The following CNTNAP5 variants were observed in gnomAD, a reference collection of about 807,000 sequenced individuals.
CNTNAP5 encodes contactin-associated protein-like 5.
In CNTNAP5, 72 loss-of-function variants were observed where a neutral mutation model predicts 150.2. The observed-to-expected ratio is 0.48, with a 90% CI of 0.40 to 0.58. The LOEUF (loss-of-function observed/expected upper bound fraction) is 0.58, where lower values mean the gene tolerates loss of function less well. Among genes scored for constraint, CNTNAP5 ranks in the 20% least tolerant of loss-of-function variants. The probability of loss-of-function intolerance (pLI) is 0.00; values close to 1 mark genes in which losing one functional copy is unlikely to be tolerated. For missense variants in CNTNAP5, 1,636 were observed against 1,626.2 expected (o/e 1.01, Z -0.10); for synonymous variants, 672 against 619.8 (o/e 1.08, Z -1.25).
chr2:124,559,177 G>A (rs150618543), intron 10 of CNTNAP5, among the ~76,000 whole-genome samples: 1 of 152,250 alleles, frequency 6.6e-6, no homozygotes, highest in African/African-American at 2.4e-5. Flanking sequence ...TACCTGGATT[G>A]TCAATAGCCC....
chr2:124,903,040 A>G lies in CNTNAP5; in HGVS notation c.3595A>G (p.Ser1199Gly), dbSNP rs199835420. 8 of 1,606,774 alleles carry G rather than the reference A, an allele frequency of 5.0e-6. No individual in the cohort carries two copies. The highest frequency in any genetic ancestry group is 6.8e-6 in the Non-Finnish European group (8 of 1,176,332). The change falls in exon 22 of 24, where the codon AGC becomes GGC. Residue 1199 changes from serine to glycine, a missense_variant. Ser to Gly is a moderately conservative substitution (Grantham distance 56, BLOSUM62 0). Coordinates refer to ENST00000682447, the MANE Select transcript of CNTNAP5 (RefSeq NM_001367498.1). Reference protein sequence around the residue: ...VTVHGTLTESSCGFMVDSDVN... With the variant: ...VTVHGTLTESGCGFMVDSDVN... ...TGTCCATGGGACCTTGACGGAATCC[A>G]GCTGTGGCTTCATGGTGGACTCAGA... is the stretch of plus-strand genomic sequence containing the variant.
At chr2:124,841,599 A>G (rs1314142240) in intron 19 of CNTNAP5, among the ~76,000 whole-genome samples, 2 of 151,980 alleles carry the variant, frequency 1.3e-5, no homozygotes, top group Admixed American at 6.6e-5. Context: ...CCCTCGCAGC[A>G]TTCCTCTTCA....
intron 1 of CNTNAP5, among the ~76,000 whole-genome samples, chr2:124,110,934 C>T (rs1417668124): frequency 6.6e-6 from 1 of 152,102 alleles, no homozygotes; most frequent in African/African-American, 2.4e-5. Context: ...GTGAAGAGCC[C>T]AAGTTCATTA....
intron 3 of CNTNAP5, among the ~76,000 whole-genome samples, chr2:124,245,645 G>A (rs1317496707): frequency 2.0e-5 from 3 of 148,754 alleles, no homozygotes; most frequent in African/African-American, 7.6e-5. Flanking sequence ...GTGTGTTTGT[G>A]TGTATGTATA....
At chr2:124,387,031 T>G (rs567330268) in intron 3 of CNTNAP5, among the ~76,000 whole-genome samples, 1 of 152,290 alleles carries the variant, frequency 6.6e-6, no homozygotes, top group African/African-American at 2.4e-5. Flanking sequence ...AAGAGGACCC[T>G]TACAAAGAAC....
intron 19 of CNTNAP5, among the ~76,000 whole-genome samples, chr2:124,851,781 G>C (rs1045379923): frequency 3.9e-5 from 6 of 152,180 alleles, no homozygotes; most frequent in Admixed American, 2.6e-4. Context: ...GAGATTAAGA[G>C]GAGGGGGAAG....
intron 11 of CNTNAP5, among the ~76,000 whole-genome samples, chr2:124,573,679 A>G (rs1696214966): frequency 6.6e-6 from 1 of 152,236 alleles, no homozygotes; most frequent in South Asian, 2.1e-4. Flanking sequence ...ACAAAGCTCT[A>G]GTATGTCCCA....
At chr2:124,525,903 T>G (rs1180002829) in intron 9 of CNTNAP5, among the ~76,000 whole-genome samples, 5 of 152,212 alleles carry the variant, frequency 3.3e-5, no homozygotes, top group Non-Finnish European at 7.3e-5. Context: ...ATTCCAGATC[T>G]GTGTTCCCAC....
chr2:124,150,112 T>A (rs1484476593), intron 1 of CNTNAP5, among the ~76,000 whole-genome samples: 1 of 152,218 alleles, frequency 6.6e-6, no homozygotes, highest in Admixed American at 6.5e-5. Context: ...GAAATCCTAA[T>A]CAGAATTTTT....
intron 1 of CNTNAP5, among the ~76,000 whole-genome samples, chr2:124,106,951 G>A (rs972227970): frequency 2.0e-5 from 3 of 151,324 alleles, no homozygotes; most frequent in African/African-American, 7.3e-5. Flanking sequence ...ATTGGTGTGA[G>A]GGAAAAAAAA....
intron 10 of CNTNAP5, among the ~76,000 whole-genome samples, chr2:124,552,296 T>C (rs1226855961): frequency 6.6e-6 from 1 of 152,134 alleles, no homozygotes; most frequent in African/African-American, 2.4e-5. Context: ...TCTCAGGAGC[T>C]TCACATGAAA....
intron 10 of CNTNAP5, among the ~76,000 whole-genome samples, chr2:124,561,894 A>G (rs938901253): frequency 9.9e-5 from 15 of 152,036 alleles, no homozygotes; most frequent in Admixed American, 9.8e-4. Flanking sequence ...CTGTAACTTC[A>G]TTGCTTGCAC....
In CNTNAP5 at chr2:124,097,158, G is replaced by A. The variant is rs539916838; in HGVS notation, c.82+71426G>A. ...TATATTATCTCCTCAGATTCTCACCGTATCCCTATGAGAAAAATATTTTAA... is the reference window on the plus strand; with the variant it reads ...TATATTATCTCCTCAGATTCTCACCATATCCCTATGAGAAAAATATTTTAA... On this transcript the variant is annotated intron_variant, in intron 1 of 23. Transcript: ENST00000682447. Among the ~76,000 whole-genome samples the A allele has an allele frequency of 2.6e-5, 4 of 152,190 alleles. No homozygotes were observed. The East Asian group carries it at 5.8e-4, about 22-fold the overall frequency.
intron 3 of CNTNAP5, among the ~76,000 whole-genome samples, chr2:124,388,192 G>C (rs1312079907): frequency 6.6e-6 from 1 of 152,178 alleles, no homozygotes; most frequent in East Asian, 1.9e-4. Context: ...AAGGCATCAT[G>C]TCTCAGGGGC....
intron 3 of CNTNAP5, among the ~76,000 whole-genome samples, chr2:124,367,231 C>T (rs1286735506): frequency 6.6e-6 from 1 of 152,108 alleles, no homozygotes; most frequent in Non-Finnish European, 1.5e-5. Context: ...TGGCAGGAGG[C>T]CTATTAGTCC....
chr2:124,210,766 G>A (rs1358537378), intron 1 of CNTNAP5, among the ~76,000 whole-genome samples: 3 of 152,016 alleles, frequency 2.0e-5, no homozygotes, highest in Non-Finnish European at 2.9e-5. Context: ...GATTCCTACT[G>A]CCTGTATAAG....
At chr2:124,224,946 C>T (rs1686419321) in intron 2 of CNTNAP5, among the ~76,000 whole-genome samples, 1 of 152,118 alleles carries the variant, frequency 6.6e-6, no homozygotes, top group South Asian at 2.1e-4. Context: ...TCAATGAACA[C>T]TCCTTTTTAA....
intron 21 of CNTNAP5, among the ~76,000 whole-genome samples, chr2:124,886,836 T>C (rs1260140122): frequency 6.6e-6 from 1 of 152,088 alleles, no homozygotes; most frequent in African/African-American, 2.4e-5. Flanking sequence ...CACCTGTGCA[T>C]GTACTGACCA....
intron 1 of CNTNAP5, among the ~76,000 whole-genome samples, chr2:124,174,321 A>T (rs1558786779): frequency 6.6e-6 from 1 of 152,190 alleles, no homozygotes; most frequent in Non-Finnish European, 1.5e-5. Context: ...TATAGCTGCC[A>T]GTTAGTGGTT....
Sources: gnomAD v4.1 joint callset for allele counts (sites outside exome capture counted in the v4.1 genomes callset) on GRCh38, gnomAD v4.1.1 for gene constraint, MANE v1.5 for transcripts, NCBI Gene and HGNC (gene_info 2026-07-23, HGNC 2026-07-21) for gene names.